ADGRL3: variants seen among roughly 807,000 people sequenced by gnomAD.
ADGRL3 encodes the protein adhesion G protein-coupled receptor L3.
Under a neutral mutation model 153.5 loss-of-function variants are expected in ADGRL3, and 62 were observed. The observed-to-expected ratio is 0.40, with a 90% CI of 0.33 to 0.50. The LOEUF (loss-of-function observed/expected upper bound fraction) is 0.50, where lower values mean the gene tolerates loss of function less well. Among genes scored for constraint, ADGRL3 ranks in the 20% least tolerant of loss-of-function variants. The pLI, the probability that ADGRL3 is intolerant of heterozygous loss-of-function variation, is 0.47. For missense variants in ADGRL3, 1,641 were observed against 1,859.4 expected, an observed-to-expected ratio of 0.88 and a Z score of 2.16; for synonymous variants, 710 against 672.5, an observed-to-expected ratio of 1.06 and a Z score of -0.86.
intron 2 of ADGRL3, among the ~76,000 whole-genome samples, chr4:61,470,168 T>A (rs908726230): frequency 3.3e-5 from 5 of 152,056 alleles, no homozygotes; most frequent in African/African-American, 9.6e-5. Context: ...ATAATTTTTT[T>A]AAGTCATAAT....
chr4:61,388,958 T>C (rs1277560128), intron 2 of ADGRL3, among the ~76,000 whole-genome samples: 1 of 152,226 alleles, frequency 6.6e-6, no homozygotes, highest in African/African-American at 2.4e-5. Context: ...GAGCATACAT[T>C]ACCACATTAC....
At chr4:61,867,552 G>T (rs866611496) in intron 9 of ADGRL3, among the ~76,000 whole-genome samples, 3 of 82,920 alleles carry the variant, frequency 3.6e-5, no homozygotes, top group South Asian at 3.5e-4. Flanking sequence ...TTGTAGGAGA[G>T]AAAAGATTTC....
In ADGRL3 at chr4:61,660,184, G is replaced by A. The variant is rs532438814; in HGVS notation, c.474-16642G>A. Among the ~76,000 whole-genome samples, 7 of 152,214 alleles carry A rather than the reference G, an allele frequency of 4.6e-5. No individual in the cohort carries two copies. In the South Asian group the frequency reaches 1.5e-3, roughly 32 times the overall value. On this transcript the variant is annotated intron_variant, in intron 5 of 26. Transcript: ENST00000683033. ...TCTTCGTGTATGCATACCTCAGTGA[G>A]ACCTTTTTTGAAATTATGATACTAT...
chr4:61,922,139 T>C (rs1322986120), intron 13 of ADGRL3, among the ~76,000 whole-genome samples: 4 of 152,180 alleles, frequency 2.6e-5, no homozygotes, highest in Non-Finnish European at 1.5e-5. Flanking sequence ...CGGACTGAGT[T>C]TGCTCTTATC....
intron 10 of ADGRL3, among the ~76,000 whole-genome samples, chr4:61,893,814 T>G (rs901375898): frequency 2.6e-5 from 4 of 151,074 alleles, no homozygotes; most frequent in Admixed American, 2.6e-4. Context: ...TTCAAGTGAT[T>G]CTCCTGCCTC....
intron 6 of ADGRL3, among the ~76,000 whole-genome samples, chr4:61,727,936 G>T (rs1292886189): frequency 6.6e-6 from 1 of 152,018 alleles, no homozygotes; most frequent in Admixed American, 6.6e-5. Flanking sequence ...TTTATTATGT[G>T]GTTGTGCAAG....
intron 4 of ADGRL3, among the ~76,000 whole-genome samples, chr4:61,581,188 G>A (rs1453703521): frequency 6.6e-6 from 1 of 152,016 alleles, no homozygotes; most frequent in African/African-American, 2.4e-5. Flanking sequence ...TGCTCATAAG[G>A]ATTAGACAGC....
At chr4:61,716,315 A>T (rs1182957039) in intron 6 of ADGRL3, among the ~76,000 whole-genome samples, 4 of 152,138 alleles carry the variant, frequency 2.6e-5, no homozygotes, top group Non-Finnish European at 5.9e-5. Flanking sequence ...TATCAGAAAT[A>T]TAGATCTGGT....
chr4:61,892,680 G>A lies in ADGRL3; in HGVS notation c.1505G>A (p.Gly502Asp), dbSNP rs529743369. The A allele has an allele frequency of 1.9e-6, 3 of 1,613,816 alleles. No homozygotes were observed. Among genetic ancestry groups the A allele is most frequent in the African/African-American group, 1.3e-5 (1 of 75,008 alleles). ...GATATCTCTACCACAGGACCTCTTG[G>A]CATGGGAAGCACTACCACCAGTACC... ...VKDISTTGPL[G>D]MGSTTTSTTL... Residue 502 changes from glycine (G) to aspartate (D), a missense_variant, in exon 10 of 27, where the codon GGC becomes GAC. Physicochemically the swap from Gly to Asp is moderately conservative, Grantham distance 94. Transcript: ENST00000683033.
At chr4:61,765,964 A>G (rs2096972896) in intron 8 of ADGRL3, among the ~76,000 whole-genome samples, 1 of 152,116 alleles carries the variant, frequency 6.6e-6, no homozygotes, top group Admixed American at 6.5e-5. Flanking sequence ...GAGAGGTTCT[A>G]AGAGGCGGGC....
intron 2 of ADGRL3, among the ~76,000 whole-genome samples, chr4:61,392,350 C>G (rs1442029009): frequency 6.6e-6 from 1 of 151,780 alleles, no homozygotes; most frequent in Non-Finnish European, 1.5e-5. Context: ...GTCAAGTGCC[C>G]TTCAGAATTT....
chr4:62,035,441 T>A lies in ADGRL3; in HGVS notation c.3592-2290T>A, dbSNP rs189332517. ...CATCACTTCATTCAAATACCCTTTCTCATCTAGAAGGAAATATACCATTTT... is the reference window on the plus strand; with the variant it reads ...CATCACTTCATTCAAATACCCTTTCACATCTAGAAGGAAATATACCATTTT... On this transcript the variant is annotated intron_variant, in intron 23 of 26. Transcript: ENST00000683033. 4.6e-5 allele frequency among the ~76,000 whole-genome samples: 7 copies of A among 152,184 alleles called. No individual in the cohort carries two copies. In the East Asian group the frequency reaches 1.4e-3, roughly 29 times the overall value.
At chr4:61,915,696 C>T (rs545791127) in intron 13 of ADGRL3, among the ~76,000 whole-genome samples, 1 of 152,250 alleles carries the variant, frequency 6.6e-6, no homozygotes, top group African/African-American at 2.4e-5. Context: ...ATTGCACTAC[C>T]TCTCTTCCTC....
chr4:61,971,132 A>T (rs2099025657), intron 17 of ADGRL3, among the ~76,000 whole-genome samples: 2 of 151,810 alleles, frequency 1.3e-5, no homozygotes, highest in South Asian at 2.1e-4. Context: ...TTAATTTTTT[A>T]AATTTTTTTA....
intron 8 of ADGRL3, among the ~76,000 whole-genome samples, chr4:61,796,338 C>G (rs956821424): frequency 1.7e-4 from 26 of 152,078 alleles, no homozygotes; most frequent in African/African-American, 5.5e-4. Flanking sequence ...AGCATTTTTC[C>G]ACCCCAGCGT....
intron 1 of ADGRL3, among the ~76,000 whole-genome samples, chr4:61,262,438 A>G (rs1310006277): frequency 6.6e-6 from 1 of 152,044 alleles, no homozygotes; most frequent in Non-Finnish European, 1.5e-5. Context: ...TAAGGTCGCC[A>G]TTGTGTTGTT....
intron 21 of ADGRL3, among the ~76,000 whole-genome samples, chr4:62,009,987 G>C (rs2099176783): frequency 6.6e-6 from 1 of 152,096 alleles, no homozygotes; most frequent in Non-Finnish European, 1.5e-5. Context: ...CCAAATGGAA[G>C]AGATGCACAG....
chr4:61,401,870 T>C (rs2096933719), intron 2 of ADGRL3, among the ~76,000 whole-genome samples: 1 of 152,054 alleles, frequency 6.6e-6, no homozygotes, highest in Admixed American at 6.6e-5. Flanking sequence ...TCAAACATCA[T>C]TTTATAGACC....
intron 5 of ADGRL3, among the ~76,000 whole-genome samples, chr4:61,649,393 T>C (rs1223276788): frequency 6.6e-6 from 1 of 152,138 alleles, no homozygotes; most frequent in Admixed American, 6.5e-5. Context: ...TTGTAGGTCT[T>C]TTTTAATTCT....
Sources: allele counts gnomAD v4.1 joint callset (sites outside exome capture counted in the v4.1 genomes callset), GRCh38; gene constraint gnomAD v4.1.1; transcripts MANE v1.5; gene names NCBI Gene and HGNC (gene_info 2026-07-23, HGNC 2026-07-21).